Variants in DOCK9 observed in about 807,000 individuals in gnomAD.
DOCK9 encodes dedicator of cytokinesis 9.
A neutral mutation model predicts 263.3 loss-of-function variants in DOCK9; 89 were observed. That is an observed-to-expected ratio of 0.34 (90% CI 0.28 to 0.40). DOCK9 has a LOEUF of 0.40. Among genes scored for constraint, DOCK9 ranks in the 10% least tolerant of loss-of-function variants. The pLI is 1.00. For missense variants in DOCK9, 2,140 were observed against 2,603.4 expected, an observed-to-expected ratio of 0.82 and a Z score of 3.87; for synonymous variants, 976 against 973.1, an observed-to-expected ratio of 1.00 and a Z score of -0.06.
At position 98,880,648 on chromosome 13, in the gene DOCK9, C is replaced by A. The variant is rs1373377309; in HGVS notation, c.2770G>T (p.Val924Phe). Reference sequence around the variant, plus strand: ...TGCACTGTCTTGTATTCAGAGGCAACATATGGCTCAGCCTTATACGCGTAC... The same window carrying A: ...TGCACTGTCTTGTATTCAGAGGCAAAATATGGCTCAGCCTTATACGCGTAC... ...VKYAYKAEPY[V>F]ASEYKTVHEE... The change falls in exon 26 of 53, where the codon GTT (valine) becomes TTT (phenylalanine). Residue 924 changes from valine (V) to phenylalanine (F), a missense_variant. Physicochemically the swap from Val to Phe is conservative, Grantham distance 50. This residue lies in a region of DOCK9 where 1,521 missense variants were observed against 1,741.7 expected (regional missense o/e 0.87). Transcript: ENST00000682017. 6.2e-7 allele frequency: 1 copy of A among 1,613,668 alleles called. No individual in the cohort carries two copies. Among genetic ancestry groups the A allele is most frequent in the East Asian group, 2.2e-5 (1 of 44,876 alleles).
chr13:98,972,785 G>A (rs886153255), intron 1 of DOCK9, among the ~76,000 whole-genome samples: 5 of 152,156 alleles, frequency 3.3e-5, no homozygotes, highest in African/African-American at 9.7e-5. Flanking sequence ...AGGACAGGGC[G>A]GCATTAACAC....
intron 30 of DOCK9, 24 bp downstream of exon 30, chr13:98,867,401 T>G: frequency 7.9e-7 from 1 of 1,262,884 alleles, no homozygotes; most frequent in African/African-American, 1.5e-5. Context: ...TGTGAAAAGG[T>G]TAATAGAAAT....
intron 19 of DOCK9, 113 bp from the exon 20 acceptor site, chr13:98,885,944 G>C (rs1487659526): frequency 1.0e-6 from 1 of 1,003,158 alleles, no homozygotes; most frequent in Non-Finnish European, 1.4e-6. Context: ...TTCTCCGAGC[G>C]GATATTAACA....
chr13:98,840,549 T>C (rs1395912009), intron 38 of DOCK9, among the ~76,000 whole-genome samples: 1 of 152,224 alleles, frequency 6.6e-6, no homozygotes, highest in African/African-American at 2.4e-5. Flanking sequence ...TTGTCTACAC[T>C]GAATTAACCT....
intron 1 of DOCK9, among the ~76,000 whole-genome samples, chr13:99,066,494 C>T (rs139818862): frequency 5.2e-4 from 79 of 152,242 alleles, no homozygotes; most frequent in African/African-American, 1.7e-3. Flanking sequence ...AGACAAAGAA[C>T]TATAATAGCA....
chr13:98,856,273 C>T (rs1444580798), intron 33 of DOCK9: 47 of 383,026 alleles, frequency 1.2e-4, no homozygotes, highest in Non-Finnish European at 1.9e-4. Flanking sequence ...CACCTTTGAT[C>T]GCTAAAGACT....
At chr13:99,061,779 G>GT (rs1596013126) in intron 1 of DOCK9, among the ~76,000 whole-genome samples, 3 of 151,994 alleles carry the variant, frequency 2.0e-5, no homozygotes, top group Admixed American at 1.3e-4. Context: ...TTCCGGTACT[G>GT]TTTGGTTGTC....
chr13:98,839,368 T>C (rs1216235172), intron 38 of DOCK9, among the ~76,000 whole-genome samples: 6 of 152,172 alleles, frequency 3.9e-5, no homozygotes, highest in Non-Finnish European at 8.8e-5. Flanking sequence ...TTCAGCGAGG[T>C]TGTTTGGTAA....
chr13:98,988,133 G>A (rs1300617572), intron 1 of DOCK9, among the ~76,000 whole-genome samples: 3 of 151,958 alleles, frequency 2.0e-5, no homozygotes, highest in Non-Finnish European at 4.4e-5. Flanking sequence ...ATTACCACTT[G>A]GGAAGTATTT....
intron 1 of DOCK9, among the ~76,000 whole-genome samples, chr13:99,056,864 G>C (rs1409021437): frequency 6.6e-6 from 1 of 152,228 alleles, no homozygotes; most frequent in African/African-American, 2.4e-5. Context: ...GTGGCCCTGA[G>C]GAGCCATGCG....
chr13:98,828,833 C>G (rs563158004), intron 43 of DOCK9, among the ~76,000 whole-genome samples: 22 of 152,290 alleles, frequency 1.4e-4, no homozygotes, highest in South Asian at 1.0e-3. Flanking sequence ...AGCCCACACA[C>G]CCAACTCCCA....
At chr13:98,994,759 A>C (rs1345765782) in intron 1 of DOCK9, among the ~76,000 whole-genome samples, 1 of 152,018 alleles carries the variant, frequency 6.6e-6, no homozygotes, top group East Asian at 1.9e-4. Flanking sequence ...TCTGTATATC[A>C]AGTGGTAATT....
intron 52 of DOCK9, chr13:98,796,092 T>C: frequency 2.6e-6 from 2 of 771,654 alleles, no homozygotes; most frequent in Non-Finnish European, 4.4e-6. Flanking sequence ...GAGGGTGCTT[T>C]CCTCTGCCCA....
chr13:98,844,686 C>T (rs978357646), intron 38 of DOCK9, among the ~76,000 whole-genome samples: 21 of 152,186 alleles, frequency 1.4e-4, no homozygotes, highest in Non-Finnish European at 2.6e-4. Context: ...AGCCAATCTT[C>T]ATAACACTTA....
chr13:98,991,025 T>G (rs1879658428), intron 1 of DOCK9, among the ~76,000 whole-genome samples: 1 of 152,124 alleles, frequency 6.6e-6, no homozygotes, highest in Non-Finnish European at 1.5e-5. Context: ...CACAATCTAG[T>G]TCAAGAGTAC....
At chr13:98,903,390 G>A (rs1472870340) in intron 10 of DOCK9, among the ~76,000 whole-genome samples, 18 of 151,930 alleles carry the variant, frequency 1.2e-4, no homozygotes. Flanking sequence ...TCAGGAGATC[G>A]AGACCATCCT....
intron 1 of DOCK9, among the ~76,000 whole-genome samples, chr13:99,004,676 AT>A (rs2141866535): frequency 6.6e-6 from 1 of 152,258 alleles, no homozygotes; most frequent in Non-Finnish European, 1.5e-5. Context: ...ACAAATGCTG[AT>A]TGAAACGTAT....
intron 1 of DOCK9, among the ~76,000 whole-genome samples, chr13:99,064,534 T>A (rs1047615831): frequency 6.6e-6 from 1 of 152,272 alleles, no homozygotes; most frequent in South Asian, 2.1e-4. Flanking sequence ...GGGGCCCCCA[T>A]TGCACATTTA....
chr13:98,948,601 T>C (rs998444553), intron 2 of DOCK9, among the ~76,000 whole-genome samples: 1 of 152,228 alleles, frequency 6.6e-6, no homozygotes, highest in Non-Finnish European at 1.5e-5. Flanking sequence ...TACAGTTCAA[T>C]GGCATTAAGT....
Sources: allele counts gnomAD v4.1 joint callset (sites outside exome capture counted in the v4.1 genomes callset), GRCh38; gene constraint gnomAD v4.1.1; regional missense constraint gnomAD v4.1.1; transcripts MANE v1.5; gene names NCBI Gene and HGNC (gene_info 2026-07-23, HGNC 2026-07-21).